Variants in WNT9A observed in about 807,000 individuals in gnomAD.
The protein encoded by WNT9A is protein Wnt-9a.
A neutral mutation model predicts 31.4 loss-of-function variants in WNT9A; 8 were observed. The observed-to-expected ratio is 0.26, with a 90% confidence interval of 0.15 to 0.46. WNT9A has a LOEUF of 0.46. WNT9A is among the 20% of genes least tolerant of loss of function. The pLI is 0.99. For synonymous variants in WNT9A, 236 were observed against 220.1 expected (o/e 1.07, Z -0.64); for missense variants, 457 against 522.9 (o/e 0.87, Z 1.23).
intron 3 of WNT9A, among the ~76,000 whole-genome samples, chr1:227,922,547 C>T (rs1417144257): frequency 6.6e-6 from 1 of 152,190 alleles, no homozygotes; most frequent in East Asian, 1.9e-4. Flanking sequence ...TGCTGGGGGG[C>T]CAGTGAAGGC....
chr1:227,932,523 A>G (rs113765760), intron 1 of WNT9A, among the ~76,000 whole-genome samples: 6,822 of 152,262 alleles, frequency 0.045, 207 homozygotes, highest in South Asian at 0.081. Flanking sequence ...ACGAATCATG[A>G]ATGTTTTTAA....
chr1:227,924,883 T>C (rs1460855875), intron 2 of WNT9A, among the ~76,000 whole-genome samples: 1 of 152,028 alleles, frequency 6.6e-6, no homozygotes, highest in Non-Finnish European at 1.5e-5. Context: ...GTGGCTGAAA[T>C]AAGGCATCAG....
chr1:227,944,308 G>C (rs1250428861), intron 1 of WNT9A, among the ~76,000 whole-genome samples: 1 of 152,218 alleles, frequency 6.6e-6, no homozygotes, highest in Non-Finnish European at 1.5e-5. Context: ...GAAACGTCCA[G>C]GACAGGCAGA....
chr1:227,940,793 C>T (rs1304409243), intron 1 of WNT9A, among the ~76,000 whole-genome samples: 2 of 152,244 alleles, frequency 1.3e-5, no homozygotes, highest in African/African-American at 2.4e-5. Context: ...GCTGGGCTTC[C>T]TCTGGCGGGC....
At chr1:227,943,283 C>T (rs895498864) in intron 1 of WNT9A, among the ~76,000 whole-genome samples, 4 of 152,202 alleles carry the variant, frequency 2.6e-5, no homozygotes, top group African/African-American at 7.2e-5. Context: ...GCCAGGGTGT[C>T]GCTGGCTCCT....
chr1:227,937,605 C>T (rs900471956), intron 1 of WNT9A, among the ~76,000 whole-genome samples: 2 of 152,200 alleles, frequency 1.3e-5, no homozygotes, highest in Admixed American at 6.5e-5. Flanking sequence ...GAGAGGGCCA[C>T]GTGAAGATGG....
intron 1 of WNT9A, among the ~76,000 whole-genome samples, chr1:227,935,028 T>C (rs550758894): frequency 2.2e-5 from 3 of 138,584 alleles, no homozygotes; most frequent in South Asian, 2.5e-4. Context: ...AGTCACAGCC[T>C]CAGTTCACCA....
chr1:227,924,085 C>CCCCCCCCCTTTTT, intron 3 of WNT9A, 53 bp downstream of exon 3: 1 of 1,063,496 alleles, frequency 9.4e-7, no homozygotes, highest in Non-Finnish European at 1.3e-6. Flanking sequence ...CCCCAACCCC[C>CCCCCCCCCTTTTT]TGACGCTCTT....
At chr1:227,939,027 G>A (rs2102728634) in intron 1 of WNT9A, among the ~76,000 whole-genome samples, 1 of 152,286 alleles carries the variant, frequency 6.6e-6, no homozygotes, top group South Asian at 2.1e-4. Context: ...CGGCTCCACG[G>A]GACACCCATA....
In WNT9A at chr1:227,942,875, A is replaced by G. The variant is rs190471466; in HGVS notation, c.95+4918T>C. On this transcript the variant is annotated intron_variant, in intron 1 of 3. Coordinates refer to ENST00000272164, the MANE Select transcript of WNT9A (RefSeq NM_003395.4). This position sits in a 1 kb window ranked among gnomAD's most constrained non-coding sequence, Gnocchi z 5.7. ...CAGGCCCCAGCCATGGGGTCACCCC[A>G]GATGCCGCCTTCTTGCCAGCTCCTT... Among the ~76,000 whole-genome samples the G allele has an allele frequency of 1.8e-4, 27 of 152,262 alleles. No individual in the cohort carries two copies. The East Asian group carries it at 5.0e-3, about 28-fold the overall frequency.
intron 3 of WNT9A, among the ~76,000 whole-genome samples, chr1:227,923,111 C>A (rs1324537763): frequency 1.3e-5 from 2 of 152,180 alleles, no homozygotes; most frequent in East Asian, 1.9e-4. Context: ...TTCGAAGGCT[C>A]TCCCCTGCCC....
chr1:227,925,196 G>C lies in WNT9A; in HGVS notation c.352+67C>G. 1.4e-6 allele frequency: 2 copies of C among 1,445,548 alleles called. No homozygotes were observed. Among genetic ancestry groups the C allele is most frequent in the Non-Finnish European group, 1.8e-6 (2 of 1,099,268 alleles). The allele number at this position is 1,445,548 out of a possible 1,614,324, so 89.5% of individuals were successfully genotyped here. A position where few individuals can be genotyped will look rare whatever the true frequency, so the allele number is the denominator to read the frequency against. On this transcript the variant is annotated intron_variant, in intron 2 of 3. Coordinates refer to ENST00000272164, the MANE Select transcript of WNT9A (RefSeq NM_003395.4). This position sits in a 1 kb window ranked among gnomAD's most constrained non-coding sequence, Gnocchi z 6.0. ...GCGCAGCCTAAGAGGGGCCTCTTGG[G>C]ATATGGACAAGGCCTGGGCTGCCAC...
intron 1 of WNT9A, among the ~76,000 whole-genome samples, chr1:227,927,667 C>T (rs79348703): frequency 0.075 from 11,430 of 152,178 alleles, 528 homozygotes; most frequent in South Asian, 0.12. Flanking sequence ...GGGCAGCTTG[C>T]AGGTGGAGAC....
chr1:227,942,829 C>T lies in WNT9A; in HGVS notation c.95+4964G>A, dbSNP rs1666729869. On this transcript the variant is annotated intron_variant, in intron 1 of 3. Coordinates refer to ENST00000272164, the MANE Select transcript of WNT9A (RefSeq NM_003395.4). The surrounding 1 kb of genome is among the most constrained non-coding windows in gnomAD (Gnocchi z 5.7). The stretch of plus-strand genomic sequence containing the variant: ...AGCTGCTCCCAAACCCCCCGGCCCA[C>T]AGTGCTCAGAGCACCCGACCCAGGC... 6.6e-6 allele frequency among the ~76,000 whole-genome samples: 1 copy of T among 152,224 alleles called. No homozygotes were observed. Among genetic ancestry groups the T allele is most frequent in the Non-Finnish European group, 1.5e-5 (1 of 68,030 alleles).
Position 227,921,365 on chromosome 1 carries a change from T to A in WNT9A, c.*153A>T. On this transcript the variant is annotated 3_prime_UTR_variant, in exon 4 of 4. Transcript: ENST00000272164. ...GGTCTGAGCCCAGGGACTCAGCCCATGCAGGTGTAGACCCATTCACACTGT... is the reference window on the plus strand; with the variant it reads ...GGTCTGAGCCCAGGGACTCAGCCCAAGCAGGTGTAGACCCATTCACACTGT... The A allele has an allele frequency of 2.4e-6, 3 of 1,255,058 alleles. No individual in the cohort carries two copies. 77.7% of individuals were successfully genotyped at this position (1,255,058 alleles called of 1,614,324 possible).
intron 2 of WNT9A, among the ~76,000 whole-genome samples, chr1:227,924,910 T>G: frequency 6.6e-6 from 1 of 150,744 alleles, no homozygotes. Context: ...CTCATGAGGG[T>G]GGGAGGGGCA....
At chr1:227,931,781 T>C (rs1264177959) in intron 1 of WNT9A, among the ~76,000 whole-genome samples, 1 of 152,170 alleles carries the variant, frequency 6.6e-6, no homozygotes, top group Non-Finnish European at 1.5e-5. Context: ...CTTCACTGAG[T>C]TGTCATCTTT....
intron 1 of WNT9A, among the ~76,000 whole-genome samples, chr1:227,944,110 T>C (rs559252679): frequency 6.6e-6 from 1 of 152,144 alleles, no homozygotes; most frequent in Non-Finnish European, 1.5e-5. Context: ...TTATCCATCA[T>C]AGCCAAACAG....
intron 1 of WNT9A, 36 bp downstream of exon 1, chr1:227,947,757 G>A: frequency 1.1e-6 from 1 of 922,660 alleles, no homozygotes; most frequent in Middle Eastern, 5.3e-4. Context: ...CGCCGCCCCC[G>A]CCCACCAGTG....
Sources: allele counts gnomAD v4.1 joint callset (sites outside exome capture counted in the v4.1 genomes callset), GRCh38; gene constraint gnomAD v4.1.1; non-coding constraint Gnocchi (gnomAD v3.1); transcripts MANE v1.5; gene names NCBI Gene and HGNC (gene_info 2026-07-23, HGNC 2026-07-21).